Variants in RSU1 observed in about 807,000 individuals in gnomAD.
RSU1 encodes the protein rsu-1.
RSU1 carries 26 observed loss-of-function variants against 31.1 expected under a neutral mutation model. That is an observed-to-expected ratio of 0.84 (90% confidence interval 0.61 to 1.16). The LOEUF is 1.16. Ranked by LOEUF, RSU1 falls within the 50% of genes most tolerant of loss-of-function variation. The probability of loss-of-function intolerance (pLI) is 0.00; values close to 1 mark genes in which losing one functional copy is unlikely to be tolerated. For synonymous variants in RSU1, 164 were observed against 136.3 expected, an observed-to-expected ratio of 1.20 and a Z score of -1.41; for missense variants, 320 against 339.1, an observed-to-expected ratio of 0.94 and a Z score of 0.44.
chr10:16,774,360 G>C (rs575044917), intron 3 of RSU1, among the ~76,000 whole-genome samples: 143 of 152,190 alleles, frequency 9.4e-4, no homozygotes, highest in African/African-American at 3.2e-3. Context: ...ATTGCTTGAG[G>C]CCAGGAGTTC....
chr10:16,617,682 G>A (rs565893722), intron 8 of RSU1, among the ~76,000 whole-genome samples: 9 of 152,110 alleles, frequency 5.9e-5, no homozygotes, highest in South Asian at 2.1e-4. Flanking sequence ...AAATAACACC[G>A]CACACCTACA....
At chr10:16,802,483 T>A (rs1195999737) in intron 2 of RSU1, among the ~76,000 whole-genome samples, 1 of 152,114 alleles carries the variant, frequency 6.6e-6, no homozygotes, top group East Asian at 1.9e-4. Context: ...TACTCATGAA[T>A]TCTACCAAAC....
rs561511912 is a variant in RSU1 at position 16,642,731 on chromosome 10, C to T, written c.732-49235G>A. ...AAAGCACTAATCTTAAACCTATTTC[C>T]AAAAGACTAACCACCGCATCAAACA... On this transcript the variant is annotated intron_variant, in intron 8 of 8. Transcript: ENST00000345264. 4.3e-4 allele frequency among the ~76,000 whole-genome samples: 66 copies of T among 152,252 alleles called. No individual in the cohort carries two copies. The South Asian group carries it at 0.014, about 32-fold the overall frequency.
intron 8 of RSU1, among the ~76,000 whole-genome samples, chr10:16,664,254 C>T (rs923309877): frequency 5.9e-5 from 9 of 152,102 alleles, no homozygotes; most frequent in Non-Finnish European, 1.3e-4. Context: ...TTTTCTGTAC[C>T]CATACCAAAA....
intron 4 of RSU1, among the ~76,000 whole-genome samples, chr10:16,756,174 G>A (rs1259736516): frequency 6.6e-6 from 1 of 152,116 alleles, no homozygotes; most frequent in Admixed American, 6.6e-5. Flanking sequence ...GTGATGGCCA[G>A]GGGCTGGAGG....
At chr10:16,746,912 T>G (rs1349348477) in intron 7 of RSU1, among the ~76,000 whole-genome samples, 2 of 152,174 alleles carry the variant, frequency 1.3e-5, no homozygotes, top group East Asian at 1.9e-4. Context: ...ACTTCTGCAT[T>G]CAGGCAGGCT....
At chr10:16,678,575 T>C (rs139910515) in intron 8 of RSU1, among the ~76,000 whole-genome samples, 15 of 152,334 alleles carry the variant, frequency 9.8e-5, no homozygotes, top group African/African-American at 3.4e-4. Flanking sequence ...ACAAAACCAG[T>C]TACAAAGCCA....
At chr10:16,748,241 C>T (rs1440662799) in intron 7 of RSU1, 1 of 152,168 alleles carries the variant, frequency 6.6e-6, no homozygotes, top group Non-Finnish European at 1.5e-5. Flanking sequence ...AAGCTGCATT[C>T]CTTCTGGAGG....
intron 8 of RSU1, among the ~76,000 whole-genome samples, chr10:16,625,714 C>T (rs567356607): frequency 1.3e-4 from 20 of 152,226 alleles, no homozygotes; most frequent in South Asian, 1.0e-3. Context: ...AGAAAGTGGA[C>T]GGAAATCAAG....
intron 7 of RSU1, among the ~76,000 whole-genome samples, chr10:16,739,430 T>A (rs558026672): frequency 6.6e-6 from 1 of 151,900 alleles, no homozygotes; most frequent in South Asian, 2.1e-4. Flanking sequence ...GGTATCTCAT[T>A]GTGGTTTTGA....
intron 8 of RSU1, among the ~76,000 whole-genome samples, chr10:16,643,034 T>C (rs17138921): frequency 0.33 from 50,591 of 152,078 alleles, 9,446 homozygotes; most frequent in African/African-American, 0.5. Flanking sequence ...CAAAAAAAAT[T>C]AATATTTTCA....
intron 8 of RSU1, among the ~76,000 whole-genome samples, chr10:16,623,334 G>A (rs1204262716): frequency 6.6e-6 from 1 of 152,176 alleles, no homozygotes; most frequent in Non-Finnish European, 1.5e-5. Flanking sequence ...ATGGCCTCCA[G>A]CTCCATATGT....
chr10:16,664,060 G>C (rs1488280225), intron 8 of RSU1, among the ~76,000 whole-genome samples: 1 of 152,210 alleles, frequency 6.6e-6, no homozygotes, highest in South Asian at 2.1e-4. Context: ...ACTGTTTATG[G>C]TACCAACACT....
intron 3 of RSU1, among the ~76,000 whole-genome samples, chr10:16,769,652 C>T (rs111912108): frequency 0.012 from 1,809 of 152,268 alleles, 33 homozygotes; most frequent in African/African-American, 0.041. Flanking sequence ...CAGGGGATGC[C>T]GATGTTGCTG....
chr10:16,638,183 A>T (rs1419339174), intron 8 of RSU1, among the ~76,000 whole-genome samples: 1 of 152,186 alleles, frequency 6.6e-6, no homozygotes, highest in Non-Finnish European at 1.5e-5. Context: ...TTCTATGGTC[A>T]ATTAAGTTTG....
At chr10:16,740,828 AT>A (rs1836735306) in intron 7 of RSU1, among the ~76,000 whole-genome samples, 1 of 152,224 alleles carries the variant, frequency 6.6e-6, no homozygotes, top group African/African-American at 2.4e-5. Flanking sequence ...AATGGAAAAA[AT>A]ATCCCATGTT....
At chr10:16,593,531 T>C in intron 8 of RSU1, 35 bp from the exon 9 acceptor site, 1 of 1,535,130 alleles carries the variant, frequency 6.5e-7, no homozygotes, top group Non-Finnish European at 9.0e-7. Flanking sequence ...ATCAGATCTA[T>C]TTTGCCAACA....
At chr10:16,645,388 T>C (rs1338510164) in intron 8 of RSU1, among the ~76,000 whole-genome samples, 2 of 152,116 alleles carry the variant, frequency 1.3e-5, no homozygotes, top group Admixed American at 6.5e-5. Context: ...GAATGAATCA[T>C]AATAATGAAA....
intron 2 of RSU1, among the ~76,000 whole-genome samples, chr10:16,795,744 G>C (rs1471316144): frequency 6.6e-6 from 1 of 152,050 alleles, no homozygotes; most frequent in Non-Finnish European, 1.5e-5. Context: ...AAGTACACAG[G>C]TTGTTTTTTT....
Sources: gnomAD v4.1 joint callset for allele counts (sites outside exome capture counted in the v4.1 genomes callset) on GRCh38, gnomAD v4.1.1 for gene constraint, MANE v1.5 for transcripts, NCBI Gene and HGNC (gene_info 2026-07-23, HGNC 2026-07-21) for gene names.